Variants in PEPD observed in about 807,000 individuals in gnomAD.
PEPD encodes peptidase D.
In PEPD, 53 loss-of-function variants were observed where a neutral mutation model predicts 60.7. The observed-to-expected ratio is 0.87, with a 90% CI of 0.70 to 1.10. The LOEUF is 1.10. Among genes scored for constraint, PEPD ranks in the 50% least tolerant of loss-of-function variants. The pLI, the probability that PEPD is intolerant of heterozygous loss-of-function variation, is 0.00. For missense variants in PEPD, 711 were observed against 711.9 expected (o/e 1.00, Z 0.01); for synonymous variants, 267 against 284.1 (o/e 0.94, Z 0.60).
chr19:33,512,802 C>T, intron 1 of PEPD, 26 bp from the exon 2 acceptor site: 2 of 1,613,012 alleles, frequency 1.2e-6, no homozygotes, highest in Non-Finnish European at 1.7e-6. Flanking sequence ...CACACACCGC[C>T]ACACAGGCCT....
Position 33,387,249 on chromosome 19 carries a change from G to C in PEPD, c.*95C>G. 1 of 1,441,108 alleles carries C rather than the reference G, an allele frequency of 6.9e-7. No individual in the cohort carries two copies. Among genetic ancestry groups the C allele is most frequent in the Non-Finnish European group, 9.7e-7 (1 of 1,036,184 alleles). 89.3% of individuals were successfully genotyped at this position (1,441,108 alleles called of 1,614,324 possible). On this transcript the variant is annotated 3_prime_UTR_variant, in exon 15 of 15. Coordinates refer to ENST00000244137, the MANE Select transcript of PEPD (RefSeq NM_000285.4). Reference sequence around the variant, plus strand: ...AAGCTGGGATCTGATTCTGGGTGCCGTCTCTCGCTACTGGAGTGCTGACCA... The same window carrying C: ...AAGCTGGGATCTGATTCTGGGTGCCCTCTCTCGCTACTGGAGTGCTGACCA...
intron 3 of PEPD, among the ~76,000 whole-genome samples, chr19:33,502,000 C>T (rs1467580567): frequency 9.2e-5 from 14 of 152,186 alleles, no homozygotes; most frequent in Admixed American, 9.2e-4. Context: ...AGCCCTCGTC[C>T]ACCTCCTGAT....
At chr19:33,477,014 C>G (rs142304477) in intron 7 of PEPD, 292 of 152,298 alleles carry the variant, frequency 1.9e-3, no homozygotes, top group African/African-American at 6.7e-3. Flanking sequence ...CTGCTTAAAC[C>G]CTTCAAGGGT....
chr19:33,408,167 G>C (rs1473048695), intron 11 of PEPD, among the ~76,000 whole-genome samples: 2 of 152,242 alleles, frequency 1.3e-5, no homozygotes, highest in Non-Finnish European at 2.9e-5. Context: ...ACGCATCATG[G>C]AGGACACTTT....
At chr19:33,403,593 TGGA>T (rs757719812) in intron 11 of PEPD, among the ~76,000 whole-genome samples, 2 of 151,874 alleles carry the variant, frequency 1.3e-5, no homozygotes, top group Non-Finnish European at 2.9e-5. Flanking sequence ...AGCCAGGGGG[TGGA>T]GGACCCTGGC....
intron 10 of PEPD, 31 bp from the exon 11 acceptor site, chr19:33,411,780 C>T: frequency 3.6e-6 from 5 of 1,385,860 alleles, no homozygotes; most frequent in African/African-American, 1.4e-5. Context: ...GTGATCAAAG[C>T]CCATTCTTCT....
intron 9 of PEPD, among the ~76,000 whole-genome samples, chr19:33,424,325 T>C (rs910729479): frequency 1.3e-5 from 2 of 152,256 alleles, no homozygotes; most frequent in Admixed American, 1.3e-4. Flanking sequence ...TGAGGGAAAT[T>C]CGCAATCTGT....
intron 6 of PEPD, among the ~76,000 whole-genome samples, chr19:33,488,530 G>A (rs886259593): frequency 6.6e-6 from 1 of 152,128 alleles, no homozygotes; most frequent in African/African-American, 2.4e-5. Flanking sequence ...TAGCCCCTCT[G>A]AGGGCCTGGG....
intron 9 of PEPD, among the ~76,000 whole-genome samples, chr19:33,429,475 C>T (rs1969225604): frequency 6.6e-6 from 1 of 152,158 alleles, no homozygotes; most frequent in Admixed American, 6.6e-5. Flanking sequence ...GCTCAATTAA[C>T]GTATTAAATA....
At chr19:33,403,160 T>A (rs577071980) in intron 11 of PEPD, among the ~76,000 whole-genome samples, 1 of 152,270 alleles carries the variant, frequency 6.6e-6, no homozygotes, top group Non-Finnish European at 1.5e-5. Context: ...TGGTGCCCCT[T>A]TCCATCCATC....
intron 9 of PEPD, among the ~76,000 whole-genome samples, chr19:33,435,556 C>T (rs1183648388): frequency 1.3e-5 from 2 of 152,232 alleles, no homozygotes; most frequent in Admixed American, 6.5e-5. Context: ...CAACCCCCCT[C>T]GTTCGGTCCC....
At chr19:33,464,203 G>C in intron 7 of PEPD, 141 bp from the exon 8 acceptor site, 1 of 708,512 alleles carries the variant, frequency 1.4e-6, no homozygotes, top group Non-Finnish European at 2.6e-6. Flanking sequence ...GGGCCACCAA[G>C]GCCCAGGAGT....
intron 9 of PEPD, among the ~76,000 whole-genome samples, chr19:33,452,318 A>G (rs1969713657): frequency 6.6e-6 from 1 of 152,236 alleles, no homozygotes; most frequent in African/African-American, 2.4e-5. Flanking sequence ...AGTATTCAAA[A>G]ATAAACTAGC....
rs1968824649 is a variant in PEPD, at chr19:33,413,560, G to A, written c.740+15C>T. 6.6e-7 allele frequency: 1 copy of A among 1,519,320 alleles called. No individual in the cohort carries two copies. Among genetic ancestry groups the A allele is most frequent in the Non-Finnish European group, 9.0e-7 (1 of 1,115,186 alleles). 94.1% of individuals were successfully genotyped at this position (1,519,320 alleles called of 1,614,324 possible). A position where few individuals can be genotyped will look rare whatever the true frequency, so the allele number is the denominator to read the frequency against. On this transcript the variant is annotated intron_variant, in intron 10 of 14. Coordinates refer to ENST00000244137, the MANE Select transcript of PEPD (RefSeq NM_000285.4). ...CCACTGGTCACCCCCAGGGGAGCCA[G>A]GGTGCCCCGCTTACCTGCCGCAGAT...
At chr19:33,419,395 A>C (rs1350285059) in intron 9 of PEPD, among the ~76,000 whole-genome samples, 2 of 152,366 alleles carry the variant, frequency 1.3e-5, no homozygotes, top group Admixed American at 1.3e-4. Context: ...TCCAGTAAGA[A>C]AAACTGAACA....
At chr19:33,465,092 T>C (rs1266125537) in intron 7 of PEPD, among the ~76,000 whole-genome samples, 1 of 152,092 alleles carries the variant, frequency 6.6e-6, no homozygotes, top group Non-Finnish European at 1.5e-5. Context: ...AGGTTTGCAG[T>C]GAGAACGGAG....
chr19:33,408,626 C>G (rs1968694888), intron 11 of PEPD, among the ~76,000 whole-genome samples: 1 of 152,202 alleles, frequency 6.6e-6, no homozygotes, highest in Non-Finnish European at 1.5e-5. Flanking sequence ...AAATCCCATT[C>G]CTAGAAGCTA....
chr19:33,468,446 T>G (rs1970060041), intron 7 of PEPD, among the ~76,000 whole-genome samples: 1 of 152,204 alleles, frequency 6.6e-6, no homozygotes, highest in South Asian at 2.1e-4. Context: ...TTCCTCCTCC[T>G]CGGCCTGGCC....
intron 12 of PEPD, among the ~76,000 whole-genome samples, chr19:33,391,894 T>C (rs1968231675): frequency 6.6e-6 from 1 of 152,190 alleles, no homozygotes; most frequent in South Asian, 2.1e-4. Context: ...CAGGAGACTC[T>C]GTGGGCTCTG....
Sources: allele counts gnomAD v4.1 joint callset (sites outside exome capture counted in the v4.1 genomes callset), GRCh38; gene constraint gnomAD v4.1.1; transcripts MANE v1.5; gene names NCBI Gene and HGNC (gene_info 2026-07-23, HGNC 2026-07-21).